The following DMP1 variants were observed in gnomAD, a reference collection of about 807,000 sequenced individuals.
The protein encoded by DMP1 is dentin matrix acidic phosphoprotein 1.
In DMP1, 20 loss-of-function variants were observed where a neutral mutation model predicts 14.6. The ratio of observed to expected loss-of-function variants is 1.37; its 90% CI spans 0.96 to 1.99. The LOEUF is 1.99. Ranked by LOEUF, DMP1 falls within the 30% of genes most tolerant of loss-of-function variation. DMP1 has a pLI of 0.00. For synonymous variants in DMP1, 197 were observed against 215.3 expected, an observed-to-expected ratio of 0.91 and a Z score of 0.75; for missense variants, 567 against 620.5, an observed-to-expected ratio of 0.91 and a Z score of 0.92.
chr4:87,654,423 T>C (rs770806663), intron 1 of DMP1, among the ~76,000 whole-genome samples: 2 of 152,206 alleles, frequency 1.3e-5, no homozygotes, highest in African/African-American at 2.4e-5. Context: ...AGTATTGTTT[T>C]CTGAGTTCCT....
rs992683383 is a variant in DMP1, at chr4:87,663,451, T to C, written c.*131T>C. 51 of 1,362,540 alleles carry C rather than the reference T, an allele frequency of 3.7e-5. No individual in the cohort carries two copies. The highest frequency in any genetic ancestry group is 4.8e-5 in the Non-Finnish European group (47 of 973,030). 84.4% of individuals were successfully genotyped at this position (1,362,540 alleles called of 1,614,324 possible). ...GATGCCATATTTTTCCTGAAAGGAA[T>C]TGCTGGACATTACACTTGTTTTTAG... is the stretch of plus-strand genomic sequence containing the variant. On this transcript the variant is annotated 3_prime_UTR_variant, in exon 6 of 6. Coordinates refer to ENST00000339673, the MANE Select transcript of DMP1 (RefSeq NM_004407.4).
At position 87,661,969 on chromosome 4, in the gene DMP1, A is replaced by G. The variant is rs1195166868; in HGVS notation, c.191A>G (p.Glu64Gly). 3 of 1,614,046 alleles carry G rather than the reference A, an allele frequency of 1.9e-6. No individual in the cohort carries two copies. Among genetic ancestry groups the G allele is most frequent in the Admixed American group, 1.7e-5 (1 of 60,006 alleles). Residue 64 changes from glutamate (E) to glycine (G), a missense_variant, in exon 6 of 6, where the codon GAA becomes GGA. Physicochemically the swap from Glu to Gly is moderately conservative, Grantham distance 98. Transcript: ENST00000339673. ...SKVSSEEQAN[E>G]DPSDSTQSEE... ...GTTAACCCCAAATTCTAGGCAAATG[A>G]AGACCCCAGTGACAGCACTCAGTCA... is the stretch of plus-strand genomic sequence containing the variant.
rs1248533181 is a variant in DMP1, at chr4:87,663,212, T to C, written c.1434T>C (p.Asp478=). 1.2e-5 allele frequency: 20 copies of C among 1,614,170 alleles called. No homozygotes were observed. The highest frequency in any genetic ancestry group is 9.9e-5 in the South Asian group (9 of 91,084). ...STESKSSSEE[D]GQLKNIEIES... is the part of the protein sequence containing the mutation. ...AGAGCAAATCAAGCAGTGAGGAAGA[T>C]GGCCAGTTGAAAAACATTGAGATAG... The change falls in exon 6 of 6, where the codon GAT becomes GAC. Residue 478 remains aspartate (D), a synonymous_variant. Coordinates refer to ENST00000339673, the MANE Select transcript of DMP1 (RefSeq NM_004407.4).
chr4:87,657,914 T>C (rs1018131524), intron 3 of DMP1, among the ~76,000 whole-genome samples: 6 of 152,212 alleles, frequency 3.9e-5, no homozygotes, highest in African/African-American at 7.2e-5. Context: ...GGCCAGATAA[T>C]GTCAGTGACC....
In DMP1 at chr4:87,662,288, T is replaced by C. The variant is rs1728922611; in HGVS notation, c.510T>C (p.Asn170=). The C allele has an allele frequency of 1.9e-6, 3 of 1,613,670 alleles. No individual in the cohort carries two copies. Among genetic ancestry groups the C allele is most frequent in the African/African-American group, 1.3e-5 (1 of 74,804 alleles). The change falls in exon 6 of 6, where the codon AAT becomes AAC. Residue 170 remains asparagine, a synonymous_variant. Coordinates refer to ENST00000339673, the MANE Select transcript of DMP1 (RefSeq NM_004407.4). ...DTTSESRELD[N]EDRVDSKPEG... ...CCAGTGAGAGCAGGGAACTTGACAA[T>C]GAGGACCGGGTGGACAGCAAGCCTG...
At position 87,662,882 on chromosome 4, in the gene DMP1, C is replaced by A; in HGVS notation, c.1104C>A (p.Pro368=). 6.2e-7 allele frequency: 1 copy of A among 1,614,144 alleles called. No homozygotes were observed. Among genetic ancestry groups the A allele is most frequent in the Non-Finnish European group, 8.5e-7 (1 of 1,180,026 alleles). The change falls in exon 6 of 6, where the codon CCC becomes CCA. Residue 368 remains proline, a synonymous_variant. Transcript: ENST00000339673. ...EVVSESRGDN[P]DPTTSYVEDQ... The stretch of plus-strand genomic sequence containing the variant: ...TGAGTGAGTCCAGGGGAGATAACCC[C>A]GACCCCACAACTAGTTATGTAGAAG...
At chr4:87,656,337 A>G in intron 1 of DMP1, 135 bp from the exon 2 acceptor site, 1 of 678,102 alleles carries the variant, frequency 1.5e-6, no homozygotes, top group Non-Finnish European at 2.7e-6. Flanking sequence ...TGTTTTATAG[A>G]TACAGTAAAT....
At position 87,659,447 on chromosome 4, in the gene DMP1, CAG is replaced by C. The variant is rs1728794119; in HGVS notation, c.154_155del (p.Glu52ArgfsTer3). 1.2e-6 allele frequency: 2 copies of C among 1,613,886 alleles called. No individual in the cohort carries two copies. Among genetic ancestry groups the C allele is most frequent in the African/African-American group, 2.7e-5 (2 of 74,898 alleles). ...CCCTTTCAGGAGAGCAGTGAGTCAT[CAG>C]AAGGCAGTAAAGTTAGCTCAGAGGA... On this transcript the variant is annotated frameshift_variant, in exon 5 of 6. Coordinates refer to ENST00000339673, the MANE Select transcript of DMP1 (RefSeq NM_004407.4). LOFTEE classifies it low-confidence loss of function (END_TRUNC).
Position 87,657,034 on chromosome 4 carries a change from A to G in DMP1, c.57A>G (p.Val19=). 1 of 1,541,926 alleles carries G rather than the reference A, an allele frequency of 6.5e-7. No homozygotes were observed. The highest frequency in any genetic ancestry group is 9.0e-7 in the Non-Finnish European group (1 of 1,114,602). ...ACCATGTGTACTAAATTTTCTAGGT[A>G]ACCAGGTATCAAAATAATGAATCTG... ...FLWGLSCALP[V]TRYQNNESED... is the part of the protein sequence containing the mutation. The change falls in exon 3 of 6, where the codon GTA becomes GTG. Residue 19 remains valine, a splice_region_variant and synonymous_variant. Transcript: ENST00000339673.
chr4:87,662,852 G>A lies in DMP1; in HGVS notation c.1074G>A (p.Glu358=), dbSNP rs745983508. The A allele has an allele frequency of 6.2e-7, 1 of 1,613,662 alleles. No individual in the cohort carries two copies. Among genetic ancestry groups the A allele is most frequent in the Non-Finnish European group, 8.5e-7 (1 of 1,179,596 alleles). Residue 358 remains glutamate, a synonymous_variant, in exon 6 of 6, where the codon GAG becomes GAA. Coordinates refer to ENST00000339673, the MANE Select transcript of DMP1 (RefSeq NM_004407.4). The part of the protein sequence containing the change: ...SQENSSESQE[E]VVSESRGDNP... Reference sequence around the variant, plus strand: ...AGAACAGCAGTGAGTCTCAGGAAGAGGTGGTGAGTGAGTCCAGGGGAGATA... The same window carrying A: ...AGAACAGCAGTGAGTCTCAGGAAGAAGTGGTGAGTGAGTCCAGGGGAGATA...
At chr4:87,655,598 CAAAA>C (rs924078007) in intron 1 of DMP1, among the ~76,000 whole-genome samples, 1 of 150,932 alleles carries the variant, frequency 6.6e-6, no homozygotes, top group African/African-American at 2.4e-5. Context: ...TTGCAGATCA[CAAAA>C]AAAGCAAAAA....
chr4:87,657,703 G>A (rs879748201), intron 3 of DMP1, among the ~76,000 whole-genome samples: 9 of 152,130 alleles, frequency 5.9e-5, no homozygotes, highest in South Asian at 2.1e-4. Flanking sequence ...TTGATATTAC[G>A]TCACTCTAGC....
At position 87,663,340 on chromosome 4, in the gene DMP1, C is replaced by T; in HGVS notation, c.*20C>T. 1.9e-6 allele frequency: 3 copies of T among 1,614,172 alleles called. No homozygotes were observed. The East Asian group carries it at 6.7e-5, about 36-fold the overall frequency. ...TATTAGCATCAGCTGTCCTAAGAAG[C>T]AGTTGTCACATAAAGGAGTCTTAGG... On this transcript the variant is annotated 3_prime_UTR_variant, in exon 6 of 6. Coordinates refer to ENST00000339673, the MANE Select transcript of DMP1 (RefSeq NM_004407.4).
At chr4:87,655,130 C>T (rs1334562598) in intron 1 of DMP1, among the ~76,000 whole-genome samples, 1 of 152,122 alleles carries the variant, frequency 6.6e-6, no homozygotes, top group East Asian at 1.9e-4. Flanking sequence ...TCACAGTATA[C>T]ATTTAACATT....
In DMP1 at chr4:87,664,325, C is replaced by T. The variant is rs1380124175; in HGVS notation, c.*1005C>T. 1 of 152,500 alleles carries T rather than the reference C, an allele frequency of 6.6e-6. No individual in the cohort carries two copies. Among genetic ancestry groups the T allele is most frequent in the African/African-American group, 2.4e-5 (1 of 41,418 alleles). 9.4% of individuals were successfully genotyped at this position (152,500 alleles called of 1,614,324 possible). A position where few individuals can be genotyped will look rare whatever the true frequency, so the allele number is the denominator to read the frequency against. ...TGAAATATTACCTCAACATAAAATA[C>T]TTGTTTTGTAATAAAGATTATAATA... On this transcript the variant is annotated 3_prime_UTR_variant, in exon 6 of 6. Coordinates refer to ENST00000339673, the MANE Select transcript of DMP1 (RefSeq NM_004407.4).
chr4:87,652,088 A>G (rs542229689), intron 1 of DMP1, among the ~76,000 whole-genome samples: 39 of 152,292 alleles, frequency 2.6e-4, no homozygotes, highest in African/African-American at 9.1e-4. Flanking sequence ...AGGGGCAGAA[A>G]TTCTCTAATA....
At chr4:87,659,944 T>C (rs909797598) in intron 5 of DMP1, among the ~76,000 whole-genome samples, 1 of 152,258 alleles carries the variant, frequency 6.6e-6, no homozygotes, top group Admixed American at 6.5e-5. Context: ...GCTTCAGTGA[T>C]GACTTTCTCT....
chr4:87,657,890 A>G lies in DMP1; in HGVS notation c.102+811A>G, dbSNP rs190607354. On this transcript the variant is annotated intron_variant, in intron 3 of 5. Coordinates refer to ENST00000339673, the MANE Select transcript of DMP1 (RefSeq NM_004407.4). ...TTACATATGATAAAGCTTGGCCCCA[A>G]TGCTTTTGGTGGTGGCCAGATAATG... Among the ~76,000 whole-genome samples, 32 of 152,296 alleles carry G rather than the reference A, an allele frequency of 2.1e-4. No homozygotes were observed. In the East Asian group the frequency reaches 3.9e-3, roughly 18 times the overall value.
At chr4:87,652,756 C>T (rs1728558498) in intron 1 of DMP1, among the ~76,000 whole-genome samples, 1 of 152,144 alleles carries the variant, frequency 6.6e-6, no homozygotes, top group Non-Finnish European at 1.5e-5. Flanking sequence ...AAAGAAAATA[C>T]AAGAGAATTC....
Sources: gnomAD v4.1 joint callset for allele counts (sites outside exome capture counted in the v4.1 genomes callset) on GRCh38, gnomAD v4.1.1 for gene constraint, MANE v1.5 for transcripts, NCBI Gene and HGNC (gene_info 2026-07-23, HGNC 2026-07-21) for gene names.